The following ANO2 variants were observed in gnomAD, a reference collection of about 807,000 sequenced individuals.
The protein encoded by ANO2 is anoctamin-2.
ANO2 carries 101 observed loss-of-function variants against 124.2 expected under a neutral mutation model. The ratio of observed to expected loss-of-function variants is 0.81; its 90% CI spans 0.69 to 0.96. The LOEUF (loss-of-function observed/expected upper bound fraction) is 0.96, where lower values mean the gene tolerates loss of function less well. Ranked by LOEUF, ANO2 falls within the 40% of genes least tolerant of loss-of-function variation. The probability of loss-of-function intolerance (pLI) is 0.00; values close to 1 mark genes in which losing one functional copy is unlikely to be tolerated. For missense variants in ANO2, 1,293 were observed against 1,274.5 expected, an observed-to-expected ratio of 1.01 and a Z score of -0.22; for synonymous variants, 486 against 482.5, an observed-to-expected ratio of 1.01 and a Z score of -0.09.
chr12:5,665,225 G>A (rs1206943440), intron 14 of ANO2, among the ~76,000 whole-genome samples: 1 of 152,158 alleles, frequency 6.6e-6, no homozygotes, highest in Non-Finnish European at 1.5e-5. Context: ...GACCCCTTAA[G>A]AGATGGCTGC....
At chr12:5,918,426 A>G (rs910497011) in intron 3 of ANO2, among the ~76,000 whole-genome samples, 6 of 148,132 alleles carry the variant, frequency 4.1e-5, no homozygotes, top group African/African-American at 7.5e-5. Flanking sequence ...TGAGGAAAGC[A>G]TTAACTTGAA....
intron 7 of ANO2, 128 bp from the exon 8 acceptor site, chr12:5,807,496 A>C: frequency 4.4e-5 from 30 of 681,338 alleles, no homozygotes; most frequent in East Asian, 1.8e-4. Flanking sequence ...CCTCTATATC[A>C]TCCAGGCTAG....
chr12:5,629,828 A>G (rs1945615332), intron 16 of ANO2, among the ~76,000 whole-genome samples: 1 of 152,114 alleles, frequency 6.6e-6, no homozygotes, highest in Non-Finnish European at 1.5e-5. Context: ...TGCATTCCCT[A>G]GAAAGCCCCC....
intron 14 of ANO2, among the ~76,000 whole-genome samples, chr12:5,716,148 G>A: frequency 6.6e-6 from 1 of 152,000 alleles, no homozygotes; most frequent in East Asian, 1.9e-4. Flanking sequence ...CCCTTCTTAG[G>A]TTTTCCACAC....
At chr12:5,654,209 A>C (rs1228885264) in intron 14 of ANO2, among the ~76,000 whole-genome samples, 3 of 152,180 alleles carry the variant, frequency 2.0e-5, no homozygotes, top group Non-Finnish European at 2.9e-5. Flanking sequence ...GTACAGGAGG[A>C]GAGGTGACAC....
chr12:5,648,042 G>T (rs992659032), intron 14 of ANO2, among the ~76,000 whole-genome samples: 1 of 152,118 alleles, frequency 6.6e-6, no homozygotes, highest in Non-Finnish European at 1.5e-5. Context: ...AGCCTCACAC[G>T]GGGCTGAATT....
intron 14 of ANO2, among the ~76,000 whole-genome samples, chr12:5,680,584 A>C (rs907244086): frequency 6.6e-6 from 1 of 152,158 alleles, no homozygotes; most frequent in African/African-American, 2.4e-5. Context: ...GGAGACATGG[A>C]AATTGTGGGC....
At chr12:5,606,040 C>T (rs749579219) in intron 19 of ANO2, among the ~76,000 whole-genome samples, 2 of 152,208 alleles carry the variant, frequency 1.3e-5, no homozygotes, top group Non-Finnish European at 2.9e-5. Flanking sequence ...ACAGAGCTGC[C>T]TTTCAAGTGC....
chr12:5,717,277 G>A (rs901227185), intron 14 of ANO2, among the ~76,000 whole-genome samples: 2 of 152,204 alleles, frequency 1.3e-5, no homozygotes, highest in African/African-American at 2.4e-5. Context: ...ACAAGCTGGT[G>A]CGCATTTGTC....
intron 9 of ANO2, 128 bp downstream of exon 9, chr12:5,805,924 G>T: frequency 1.2e-6 from 1 of 865,500 alleles, no homozygotes; most frequent in South Asian, 2.0e-5. Context: ...GGAAAGGGGG[G>T]AGCTGGTAAA....
chr12:5,671,410 G>A (rs1215228459), intron 14 of ANO2, among the ~76,000 whole-genome samples: 1 of 147,158 alleles, frequency 6.8e-6, no homozygotes, highest in Non-Finnish European at 1.5e-5. Context: ...CATTGCAACA[G>A]TCTTTGTCCT....
At chr12:5,627,566 C>G (rs1424975670) in intron 16 of ANO2, among the ~76,000 whole-genome samples, 1 of 152,238 alleles carries the variant, frequency 6.6e-6, no homozygotes, top group Non-Finnish European at 1.5e-5. Flanking sequence ...ATAAAGCCAA[C>G]ACTTTCACCC....
intron 10 of ANO2, among the ~76,000 whole-genome samples, chr12:5,777,046 T>C (rs947712000): frequency 1.3e-5 from 2 of 152,208 alleles, no homozygotes; most frequent in African/African-American, 4.8e-5. Context: ...TGACAGTGTA[T>C]GTGCAAATAC....
At chr12:5,819,670 G>C (rs1181883702) in intron 7 of ANO2, among the ~76,000 whole-genome samples, 1 of 152,226 alleles carries the variant, frequency 6.6e-6, no homozygotes, top group Non-Finnish European at 1.5e-5. Context: ...GGGAAGTCCA[G>C]AAGATATACC....
intron 1 of ANO2, among the ~76,000 whole-genome samples, chr12:5,933,033 T>C (rs1942492428): frequency 1.3e-5 from 2 of 152,204 alleles, no homozygotes; most frequent in Admixed American, 6.5e-5. Context: ...GAGCAATGAC[T>C]GCTAGCCTCC....
intron 20 of ANO2, among the ~76,000 whole-genome samples, chr12:5,580,038 C>T (rs572913543): frequency 6.6e-6 from 1 of 152,280 alleles, no homozygotes; most frequent in South Asian, 2.1e-4. Flanking sequence ...GCAAGGCCTC[C>T]GTCCCTTCTA....
chr12:5,942,217 TATTA>T (rs1942924651), intron 1 of ANO2, among the ~76,000 whole-genome samples: 1 of 152,240 alleles, frequency 6.6e-6, no homozygotes, highest in Admixed American at 6.5e-5. Context: ...AGGTTTAACC[TATTA>T]ATTAGTTATG....
Position 5,565,627 on chromosome 12 carries a change from G to A in ANO2, c.2658C>T (p.Asn886=), listed in dbSNP as rs1329726725. 4.8e-5 allele frequency: 77 copies of A among 1,605,276 alleles called. No homozygotes were observed. The highest frequency in any genetic ancestry group is 6.5e-5 in the Non-Finnish European group (76 of 1,175,738). Residue 886 remains asparagine, a synonymous_variant, in exon 24 of 25, where the codon AAC becomes AAT. Coordinates refer to ENST00000682330, the MANE Select transcript of ANO2 (RefSeq NM_001364791.2). ...KDYREPPWAP[N]PYEFSKQYWF... ...AGTACTGTTTCGAAAACTCATAAGG[G>A]TTCGGGGCCCATGGCGGCTCTCGGT...
chr12:5,938,856 C>T (rs1394214361), intron 1 of ANO2, among the ~76,000 whole-genome samples: 1 of 151,682 alleles, frequency 6.6e-6, no homozygotes, highest in South Asian at 2.1e-4. Context: ...AGCTAAGATC[C>T]CAACCTTTTT....
Sources: allele counts gnomAD v4.1 joint callset (sites outside exome capture counted in the v4.1 genomes callset), GRCh38; gene constraint gnomAD v4.1.1; transcripts MANE v1.5; gene names NCBI Gene and HGNC (gene_info 2026-07-23, HGNC 2026-07-21).